The following GNA14 variants were observed in gnomAD, a reference collection of about 807,000 sequenced individuals.
The protein encoded by GNA14 is guanine nucleotide-binding protein subunit alpha-14.
A neutral mutation model predicts 42.0 loss-of-function variants in GNA14; 50 were observed. That is an observed-to-expected ratio of 1.19 (90% CI 0.95 to 1.51). The LOEUF is 1.51. Among genes scored for constraint, GNA14 ranks in the 40% most tolerant of loss-of-function variants. The pLI is 0.00. For synonymous variants in GNA14, 173 were observed against 163.1 expected (o/e 1.06, Z -0.46); for missense variants, 473 against 446.2 (o/e 1.06, Z -0.54).
intron 2 of GNA14, among the ~76,000 whole-genome samples, chr9:77,517,047 G>A (rs1300950184): frequency 1.3e-5 from 2 of 152,108 alleles, no homozygotes; most frequent in East Asian, 3.9e-4. Flanking sequence ...AGAGAGTGGA[G>A]GAATCACAGA....
chr9:77,485,006 T>TTGCTCA lies in GNA14; in HGVS notation c.309+44062_309+44063insTGAGCA, dbSNP rs1564028421. On this transcript the variant is annotated intron_variant, in intron 2 of 6. Transcript: ENST00000341700. The stretch of plus-strand genomic sequence containing the variant: ...TTATGTTGATGGCTGCTCAGGATGG[T>TTGCTCA]GGTTGCTAAAGGTTGAGGTGATTGT... Among the ~76,000 whole-genome samples, 3 of 152,258 alleles carry TTGCTCA rather than the reference T, an allele frequency of 2.0e-5. No individual in the cohort carries two copies. In the East Asian group the frequency reaches 5.8e-4, roughly 29 times the overall value.
intron 2 of GNA14, among the ~76,000 whole-genome samples, chr9:77,516,913 G>A (rs548505422): frequency 3.3e-5 from 5 of 152,302 alleles, no homozygotes; most frequent in South Asian, 4.1e-4. Context: ...AGTGAGGATC[G>A]TGGTTGAAAA....
chr9:77,428,071 C>CTTTTTTTTTTTTT (rs1182913068), intron 5 of GNA14, among the ~76,000 whole-genome samples: 3 of 130,676 alleles, frequency 2.3e-5, no homozygotes, highest in Non-Finnish European at 3.3e-5. Context: ...GGCATTTTTT[C>CTTTTTTTTTTTTT]TTTTTTTTTT....
chr9:77,632,882 G>C (rs1824121472), intron 1 of GNA14, among the ~76,000 whole-genome samples: 1 of 152,208 alleles, frequency 6.6e-6, no homozygotes, highest in African/African-American at 2.4e-5. Context: ...GGCTGGTAAT[G>C]TGAGCCAAGC....
At chr9:77,550,576 CA>C (rs1039065917) in intron 1 of GNA14, among the ~76,000 whole-genome samples, 6 of 152,214 alleles carry the variant, frequency 3.9e-5, no homozygotes, top group African/African-American at 1.2e-4. Context: ...GTTCAAAACA[CA>C]CTCATTATCA....
chr9:77,438,486 T>C (rs1835674740), intron 2 of GNA14, among the ~76,000 whole-genome samples: 2 of 152,076 alleles, frequency 1.3e-5, no homozygotes, highest in African/African-American at 2.4e-5. Flanking sequence ...CAGGCTGATC[T>C]TGAACTCCTG....
At chr9:77,591,603 A>G (rs774030968) in intron 1 of GNA14, among the ~76,000 whole-genome samples, 2 of 152,188 alleles carry the variant, frequency 1.3e-5, no homozygotes, top group Non-Finnish European at 2.9e-5. Flanking sequence ...TTAGGGTGAG[A>G]AGCATAGTTT....
intron 3 of GNA14, among the ~76,000 whole-genome samples, chr9:77,432,206 C>T (rs1173189881): frequency 6.6e-6 from 1 of 152,100 alleles, no homozygotes; most frequent in African/African-American, 2.4e-5. Flanking sequence ...AGATGCAGAG[C>T]CCGCTGCATG....
chr9:77,570,181 A>T (rs903343500), intron 1 of GNA14, among the ~76,000 whole-genome samples: 1 of 148,888 alleles, frequency 6.7e-6, no homozygotes, highest in Non-Finnish European at 1.5e-5. Flanking sequence ...ATATATATTA[A>T]CTTAATTCTA....
rs146948341 is a variant in GNA14 at position 77,483,670 on chromosome 9, G to A, written c.309+45399C>T. ...GTTTGTCTGTGCCCTGCCCCCAGAG[G>A]TGGAGCCTACAGAGGCAGGCTGGCC... On this transcript the variant is annotated intron_variant, in intron 2 of 6. Coordinates refer to ENST00000341700, the MANE Select transcript of GNA14 (RefSeq NM_004297.4). 2.6e-3 allele frequency among the ~76,000 whole-genome samples: 397 copies of A among 152,288 alleles called. 2 individuals carry two copies. The highest frequency in any genetic ancestry group is 9.2e-3 in the African/African-American group (383 of 41,552).
chr9:77,614,648 C>T (rs1485940068), intron 1 of GNA14, among the ~76,000 whole-genome samples: 2 of 152,152 alleles, frequency 1.3e-5, no homozygotes, highest in Non-Finnish European at 2.9e-5. Context: ...AGAGAAAATG[C>T]TCCCCGAAAC....
In GNA14 at chr9:77,482,674, T is replaced by C. The variant is rs1212038546; in HGVS notation, c.309+46395A>G. On this transcript the variant is annotated intron_variant, in intron 2 of 6. Transcript: ENST00000341700. Reference sequence around the variant, plus strand: ...TTTTCCAACTTGGTTCCATTCTCCCTGTCACTTTCAGGTACACCAATCAGA... The same window carrying C: ...TTTTCCAACTTGGTTCCATTCTCCCCGTCACTTTCAGGTACACCAATCAGA... Among the ~76,000 whole-genome samples, 6 of 152,178 alleles carry C rather than the reference T, an allele frequency of 3.9e-5. 1 individual carries two copies. The highest frequency in any genetic ancestry group is 1.9e-4 in the East Asian group (1 of 5,204).
chr9:77,565,144 T>G (rs548330500), intron 1 of GNA14, among the ~76,000 whole-genome samples: 34 of 152,356 alleles, frequency 2.2e-4, no homozygotes, highest in Non-Finnish European at 4.3e-4. Flanking sequence ...TGTATACATG[T>G]AGTACTTGAA....
chr9:77,644,860 T>C (rs1824329844), intron 1 of GNA14, among the ~76,000 whole-genome samples: 1 of 152,204 alleles, frequency 6.6e-6, no homozygotes, highest in Non-Finnish European at 1.5e-5. Flanking sequence ...GTCCTGACAC[T>C]TTCTCCCTAT....
At chr9:77,594,181 G>C (rs1157461915) in intron 1 of GNA14, among the ~76,000 whole-genome samples, 3 of 152,192 alleles carry the variant, frequency 2.0e-5, no homozygotes, top group African/African-American at 7.2e-5. Context: ...GCAACACAGT[G>C]GAGCAACAGA....
rs199919572 is a variant in GNA14, at chr9:77,438,569, A to AT, written c.310-4048dup. ...AGGCATAAGCCACCACGCCTAGCCGATTTTTTTTTTTAAAAAAAACCTTTT... is the reference window on the plus strand; with the variant it reads ...AGGCATAAGCCACCACGCCTAGCCGATTTTTTTTTTTTAAAAAAAACCTTTT... On this transcript the variant is annotated intron_variant, in intron 2 of 6. Transcript: ENST00000341700. 7.3e-4 allele frequency among the ~76,000 whole-genome samples: 109 copies of AT among 149,368 alleles called. 1 individual carries two copies. The highest frequency in any genetic ancestry group is 3.4e-3 in the Middle Eastern group (1 of 292).
In GNA14 at chr9:77,482,453, G is replaced by A. The variant is rs2131729621; in HGVS notation, c.309+46616C>T. On this transcript the variant is annotated intron_variant, in intron 2 of 6. Coordinates refer to ENST00000341700, the MANE Select transcript of GNA14 (RefSeq NM_004297.4). ...TTAGTCTGATGGGCTTCCCTTTGTG[G>A]GTAACCCGACCTTTCTCTCTGGCTG... Among the ~76,000 whole-genome samples the A allele has an allele frequency of 3.9e-5, 6 of 152,238 alleles. No individual in the cohort carries two copies. In the South Asian group the frequency reaches 1.2e-3, roughly 32 times the overall value.
intron 2 of GNA14, among the ~76,000 whole-genome samples, chr9:77,450,482 T>A (rs761977968): frequency 6.6e-6 from 1 of 152,196 alleles, no homozygotes; most frequent in Non-Finnish European, 1.5e-5. Flanking sequence ...TATTTGTGAA[T>A]TCACCTACTT....
At chr9:77,434,640 G>T in intron 2 of GNA14, 118 bp from the exon 3 acceptor site, 1 of 831,996 alleles carries the variant, frequency 1.2e-6, no homozygotes, top group Non-Finnish European at 1.9e-6. Context: ...TAGGCATGGG[G>T]CGTGGTGGGC....
Sources: allele counts gnomAD v4.1 joint callset (sites outside exome capture counted in the v4.1 genomes callset), GRCh38; gene constraint gnomAD v4.1.1; transcripts MANE v1.5; gene names NCBI Gene and HGNC (gene_info 2026-07-23, HGNC 2026-07-21).